Variants in NRG1 observed in about 807,000 individuals in gnomAD.
NRG1 encodes pro-neuregulin-1, membrane-bound isoform.
In NRG1, 18 loss-of-function variants were observed where a neutral mutation model predicts 63.8. The observed-to-expected ratio is 0.28, with a 90% CI of 0.19 to 0.42. The LOEUF is 0.42. NRG1 is among the 10% of genes least tolerant of loss of function. NRG1 has a pLI of 1.00. For missense variants in NRG1, 762 were observed against 814.7 expected (o/e 0.94, Z 0.79); for synonymous variants, 302 against 301.3 (o/e 1.00, Z -0.02).
intron 1 of NRG1, among the ~76,000 whole-genome samples, chr8:31,662,710 G>A (rs1585489712): frequency 6.6e-6 from 1 of 152,218 alleles, no homozygotes; most frequent in Non-Finnish European, 1.5e-5. Flanking sequence ...GGATAAGTGA[G>A]TGAAAGTCCT....
chr8:31,686,366 T>TA (rs1808891227), intron 1 of NRG1, among the ~76,000 whole-genome samples: 1 of 152,156 alleles, frequency 6.6e-6, no homozygotes, highest in Non-Finnish European at 1.5e-5. Flanking sequence ...ATTAAGCATT[T>TA]AGAAAAAAAA....
At chr8:31,692,052 C>T (rs922717154) in intron 1 of NRG1, among the ~76,000 whole-genome samples, 1 of 152,058 alleles carries the variant, frequency 6.6e-6, no homozygotes, top group Non-Finnish European at 1.5e-5. Context: ...AGGCTGGTCT[C>T]GAACTTCTGG....
At chr8:31,931,547 A>G (rs1440701118) in intron 1 of NRG1, among the ~76,000 whole-genome samples, 1 of 152,180 alleles carries the variant, frequency 6.6e-6, no homozygotes, top group African/African-American at 2.4e-5. Flanking sequence ...TACACGCGTG[A>G]TAATTGTCCT....
chr8:32,102,520 C>G (rs1431316375), intron 1 of NRG1, among the ~76,000 whole-genome samples: 1 of 152,144 alleles, frequency 6.6e-6, no homozygotes, highest in East Asian at 1.9e-4. Flanking sequence ...AATTTACAGT[C>G]TGGAGAAGGA....
intron 1 of NRG1, among the ~76,000 whole-genome samples, chr8:32,229,811 T>A (rs1285705748): frequency 6.6e-6 from 1 of 152,184 alleles, no homozygotes; most frequent in Non-Finnish European, 1.5e-5. Flanking sequence ...GGTTTTGGGT[T>A]TGATGCAGTT....
chr8:32,358,403 G>T (rs1006117162), intron 1 of NRG1, among the ~76,000 whole-genome samples: 1 of 146,282 alleles, frequency 6.8e-6, no homozygotes, highest in East Asian at 2.0e-4. Context: ...CATGGGAGTG[G>T]TTCTCCTCTC....
In NRG1 at chr8:31,914,542, T is replaced by A. The variant is rs546443086; in HGVS notation, c.37+275111T>A. 7.8e-4 allele frequency among the ~76,000 whole-genome samples: 118 copies of A among 152,206 alleles called. 1 individual carries two copies. Among genetic ancestry groups the A allele is most frequent in the African/African-American group, 2.6e-3 (108 of 41,540 alleles). ...AGAGCTGTCTATGCTGTACTGCAAT[T>A]TGACTTTTAATCCATCGTAGATCTG... is the stretch of plus-strand genomic sequence containing the variant. On this transcript the variant is annotated intron_variant, in intron 1 of 10. Transcript: ENST00000519301.
chr8:31,794,476 A>C (rs1045782509), intron 1 of NRG1, among the ~76,000 whole-genome samples: 5 of 151,318 alleles, frequency 3.3e-5, no homozygotes, highest in Non-Finnish European at 5.9e-5. Context: ...AAACTGTGTA[A>C]ATAAATATCC....
At chr8:32,368,084 T>C (rs570431744) in intron 1 of NRG1, among the ~76,000 whole-genome samples, 2 of 152,342 alleles carry the variant, frequency 1.3e-5, no homozygotes, top group African/African-American at 4.8e-5. Context: ...CTTTGTAGTA[T>C]ATTTTGAAGA....
chr8:32,342,038 A>T (rs1202273269), intron 1 of NRG1, among the ~76,000 whole-genome samples: 19 of 152,122 alleles, frequency 1.2e-4, no homozygotes, highest in Non-Finnish European at 1.5e-4. Flanking sequence ...CATTTTTAAA[A>T]CTATTTGTTT....
upstream of NRG1, chr8:32,548,259 G>C: frequency 2.0e-6 from 2 of 986,316 alleles, no homozygotes; most frequent in Non-Finnish European, 2.4e-6. Flanking sequence ...CCTGCGGGCG[G>C]GAGGTGGGTG....
At chr8:32,442,448 G>T (rs529907438) in intron 1 of NRG1, 1 of 152,242 alleles carries the variant, frequency 6.6e-6, no homozygotes, top group East Asian at 1.9e-4. Flanking sequence ...CAGCTCTGTT[G>T]TTGCTTATTT....
At chr8:31,678,677 A>G (rs1807990350) in intron 1 of NRG1, among the ~76,000 whole-genome samples, 1 of 149,870 alleles carries the variant, frequency 6.7e-6, no homozygotes, top group Admixed American at 6.7e-5. Context: ...TATTGAAATG[A>G]TTATTTTAAT....
At chr8:31,944,903 A>G (rs327358) in intron 1 of NRG1, among the ~76,000 whole-genome samples, 7,438 of 152,270 alleles carry the variant, frequency 0.049, 596 homozygotes, top group African/African-American at 0.17. Flanking sequence ...CAAATCATCA[A>G]CCGCATTTCC....
chr8:31,718,733 G>A (rs775521330), intron 1 of NRG1, among the ~76,000 whole-genome samples: 19 of 152,114 alleles, frequency 1.2e-4, no homozygotes, highest in East Asian at 3.9e-4. Context: ...ATGATTATTC[G>A]AAATCAAGAA....
At chr8:32,647,035 CG>C in intron 5 of NRG1, 1 of 743,036 alleles carries the variant, frequency 1.3e-6, no homozygotes, top group Middle Eastern at 6.9e-4. Flanking sequence ...GAGGAGTAGT[CG>C]GGGGTGGGGT....
chr8:32,592,867 C>T (rs145093104), intron 1 of NRG1, among the ~76,000 whole-genome samples: 2,522 of 152,120 alleles, frequency 0.017, 32 homozygotes, highest in Non-Finnish European at 0.027. Context: ...ACTTTTGACT[C>T]CCCCCAAACC....
chr8:32,071,386 G>T (rs1225261717), intron 1 of NRG1, among the ~76,000 whole-genome samples: 17 of 152,262 alleles, frequency 1.1e-4, no homozygotes, highest in African/African-American at 4.1e-4. Flanking sequence ...ATATGTGAAT[G>T]AACTTTCAAA....
rs1020341623 is a variant in NRG1, at chr8:32,255,447, A to T, written c.38-340381A>T. On this transcript the variant is annotated intron_variant, in intron 1 of 10. Transcript: ENST00000519301. The stretch of plus-strand genomic sequence containing the variant: ...AAAGGATTCTATTTCTCCTTCACTT[A>T]TGAAGCTTAGTTTGGCTGGATATGT... Among the ~76,000 whole-genome samples the T allele has an allele frequency of 2.0e-5, 3 of 152,270 alleles. No homozygotes were observed. The South Asian group carries it at 6.2e-4, about 32-fold the overall frequency.
Sources: gnomAD v4.1 joint callset for allele counts (sites outside exome capture counted in the v4.1 genomes callset) on GRCh38, gnomAD v4.1.1 for gene constraint, MANE v1.5 for transcripts, NCBI Gene and HGNC (gene_info 2026-07-23, HGNC 2026-07-21) for gene names.